The following VSX2 variants were observed in gnomAD, a reference collection of about 807,000 sequenced individuals.
VSX2 encodes the protein visual system homeobox 2.
VSX2 carries 28 observed loss-of-function variants against 32.1 expected under a neutral mutation model. The ratio of observed to expected loss-of-function variants is 0.87; its 90% CI spans 0.65 to 1.20. VSX2 has a LOEUF of 1.20. VSX2 is among the 50% of genes most tolerant of loss of function. VSX2 has a pLI of 0.00. For synonymous variants in VSX2, 243 were observed against 214.1 expected (o/e 1.14, Z -1.18); for missense variants, 506 against 488.7 (o/e 1.04, Z -0.33).
At chr14:74,249,485 G>A (rs958582080) in intron 3 of VSX2, among the ~76,000 whole-genome samples, 10 of 152,192 alleles carry the variant, frequency 6.6e-5, no homozygotes, top group Non-Finnish European at 1.2e-4. Flanking sequence ...GGCCAGGCTG[G>A]TCTCGAACTC....
chr14:74,239,642 C>G lies in VSX2; in HGVS notation c.81C>G (p.Ala27=). 6.4e-7 allele frequency: 1 copy of G among 1,550,832 alleles called. No homozygotes were observed. The highest frequency in any genetic ancestry group is 8.7e-7 in the Non-Finnish European group (1 of 1,146,930). ...AGAGTACCTCGGGGGGCGCCCCGGC[C>G]AGGTGCACTGGGTTCGGCATCCAGG... ...VAKSTSGGAP[A]RCTGFGIQEI... Residue 27 remains alanine (A), a synonymous_variant, in exon 1 of 5, where the codon GCC becomes GCG. Transcript: ENST00000261980.
At position 74,239,886 on chromosome 14, in the gene VSX2, G is replaced by T; in HGVS notation, c.325G>T (p.Gly109Cys). 6.3e-7 allele frequency: 1 copy of T among 1,575,010 alleles called. No individual in the cohort carries two copies. ...GCAGAGCGTCCACTTGCAGCCATTG[G>T]GCAGAGCATCGGGGCCGCTGGACAC... ...DPQSVHLQPL[G>C]RASGPLDTSQ... Residue 109 changes from glycine (G) to cysteine (C), a missense_variant, in exon 1 of 5, where the codon GGC becomes TGC. Physicochemically the swap from Gly to Cys is radical, Grantham distance 159. Transcript: ENST00000261980.
At chr14:74,241,075 AG>A (rs2079146903) in intron 1 of VSX2, 106 bp from the exon 2 acceptor site, 1 of 1,141,276 alleles carries the variant, frequency 8.8e-7, no homozygotes. Flanking sequence ...GAGACAGAGC[AG>A]GTCCCCGCCG....
intron 3 of VSX2, among the ~76,000 whole-genome samples, chr14:74,246,457 C>T (rs575514362): frequency 5.3e-5 from 8 of 152,262 alleles, no homozygotes; most frequent in Admixed American, 1.3e-4. Flanking sequence ...GAATTTCAGC[C>T]GATGGTTTTA....
chr14:74,242,911 CG>C (rs1427752816), intron 2 of VSX2, among the ~76,000 whole-genome samples: 2 of 152,058 alleles, frequency 1.3e-5, no homozygotes, highest in African/African-American at 4.8e-5. Flanking sequence ...ACTTAGTGAC[CG>C]TCTGTTTTCA....
intron 2 of VSX2, among the ~76,000 whole-genome samples, chr14:74,243,159 C>T (rs1392489112): frequency 2.0e-5 from 3 of 152,144 alleles, no homozygotes; most frequent in Non-Finnish European, 2.9e-5. Context: ...GTAAGAGACC[C>T]TGGAATCTGG....
chr14:74,258,203 A>G (rs1481594576), intron 3 of VSX2, among the ~76,000 whole-genome samples: 1 of 152,218 alleles, frequency 6.6e-6, no homozygotes, highest in Non-Finnish European at 1.5e-5. Flanking sequence ...GTGCGGGTCA[A>G]TGCCGCGGCT....
At chr14:74,256,088 T>C (rs1376948866) in intron 3 of VSX2, among the ~76,000 whole-genome samples, 2 of 152,200 alleles carry the variant, frequency 1.3e-5, no homozygotes, top group Non-Finnish European at 2.9e-5. Context: ...GGTTGTGGCC[T>C]TGTTTTATTA....
At chr14:74,249,063 G>A (rs900071278) in intron 3 of VSX2, among the ~76,000 whole-genome samples, 3 of 152,212 alleles carry the variant, frequency 2.0e-5, no homozygotes, top group Admixed American at 6.5e-5. Context: ...GAGAACCTGC[G>A]ATGTAGACGC....
intron 3 of VSX2, among the ~76,000 whole-genome samples, chr14:74,256,035 T>G (rs928628080): frequency 6.6e-6 from 1 of 152,204 alleles, no homozygotes; most frequent in African/African-American, 2.4e-5. Flanking sequence ...TTTTCTTAAA[T>G]CCAAAACATT....
chr14:74,260,202 T>G (rs1245651556), intron 4 of VSX2, among the ~76,000 whole-genome samples: 1 of 152,112 alleles, frequency 6.6e-6, no homozygotes, highest in Non-Finnish European at 1.5e-5. Flanking sequence ...CCCCCAAATC[T>G]CTCTACTTGC....
At chr14:74,241,138 G>T in intron 1 of VSX2, 44 bp from the exon 2 acceptor site, 1 of 1,598,156 alleles carries the variant, frequency 6.3e-7, no homozygotes, top group Non-Finnish European at 8.6e-7. Flanking sequence ...GCACAGCGGA[G>T]CGCGTCCCCC....
chr14:74,243,541 G>A (rs2079165028), intron 2 of VSX2, among the ~76,000 whole-genome samples: 1 of 151,626 alleles, frequency 6.6e-6, no homozygotes, highest in African/African-American at 2.4e-5. Flanking sequence ...GACTGCCTTT[G>A]TGCCTCAGTT....
intron 3 of VSX2, among the ~76,000 whole-genome samples, chr14:74,247,122 C>T (rs1418526138): frequency 6.6e-6 from 1 of 152,212 alleles, no homozygotes; most frequent in East Asian, 1.9e-4. Context: ...AGCCTTTGAG[C>T]ACCACATGCC....
chr14:74,247,242 G>A (rs547946262), intron 3 of VSX2, among the ~76,000 whole-genome samples: 6 of 152,304 alleles, frequency 3.9e-5, no homozygotes, highest in East Asian at 1.9e-4. Context: ...CACAGCGATC[G>A]TTTCCAGAGG....
Position 74,261,993 on chromosome 14 carries a change from C to T in VSX2, c.*1074C>T, listed in dbSNP as rs34263984. ...AGCCTGGAGTAGGCCTGGGGCTATG[C>T]ATACGCATTAAGGGCCTGCTGGAGA... On this transcript the variant is annotated 3_prime_UTR_variant, in exon 5 of 5. Transcript: ENST00000261980. The T allele has an allele frequency of 0.06, 9,068 of 151,830 alleles. 411 individuals carry two copies. The highest frequency in any genetic ancestry group is 0.089 in the Non-Finnish European group (6,034 of 68,124). 9.4% of individuals were successfully genotyped at this position (151,830 alleles called of 1,614,324 possible).
At chr14:74,240,291 G>A (rs547010161) in intron 1 of VSX2, among the ~76,000 whole-genome samples, 6 of 152,356 alleles carry the variant, frequency 3.9e-5, no homozygotes, top group Admixed American at 2.6e-4. Flanking sequence ...CTGCTCCACT[G>A]CGGCCCCGGC....
Position 74,245,260 on chromosome 14 carries a change from A to T in VSX2, c.551A>T (p.Lys184Ile). The T allele has an allele frequency of 3.1e-6, 5 of 1,613,348 alleles. No individual in the cohort carries two copies. The highest frequency in any genetic ancestry group is 4.2e-6 in the Non-Finnish European group (5 of 1,179,854). The change falls in exon 3 of 5, where the codon AAA becomes ATA. Residue 184 changes from lysine (K) to isoleucine (I), a missense_variant. By Grantham distance (102) the Lys-to-Ile change is moderately radical. Transcript: ENST00000261980. ...TATGCCCGGGAGATGCTGGCCATGAAAACGGAGCTGCCGGAAGACAGGATA... is the reference window on the plus strand; with the variant it reads ...TATGCCCGGGAGATGCTGGCCATGATAACGGAGCTGCCGGAAGACAGGATA... The part of the protein sequence containing the change: ...DVYAREMLAM[K>I]TELPEDRIQV...
At chr14:74,247,882 G>A (rs1430457467) in intron 3 of VSX2, among the ~76,000 whole-genome samples, 2 of 151,712 alleles carry the variant, frequency 1.3e-5, no homozygotes, top group African/African-American at 4.8e-5. Context: ...AATTCAAGAG[G>A]GTGAAAAGCA....
Sources: allele counts gnomAD v4.1 joint callset (sites outside exome capture counted in the v4.1 genomes callset), GRCh38; gene constraint gnomAD v4.1.1; transcripts MANE v1.5; gene names NCBI Gene and HGNC (gene_info 2026-07-23, HGNC 2026-07-21).